The following IGFL2 variants were observed in gnomAD, a reference collection of about 807,000 sequenced individuals.
IGFL2 encodes insulin growth factor-like family member 2.
Under a neutral mutation model 13.9 loss-of-function variants are expected in IGFL2, and 7 were observed. The observed-to-expected ratio is 0.51, with a 90% CI of 0.29 to 0.95. The LOEUF (loss-of-function observed/expected upper bound fraction) is 0.95. IGFL2 is among the 40% of genes least tolerant of loss of function. The probability of loss-of-function intolerance (pLI) is 0.08; values close to 1 mark genes in which losing one functional copy is unlikely to be tolerated. For synonymous variants in IGFL2, 55 were observed against 55.8 expected (o/e 0.99, Z 0.07); for missense variants, 138 against 147.8 (o/e 0.93, Z 0.34).
chr19:46,160,605 T>A lies in IGFL2; in HGVS notation c.74-9T>A, dbSNP rs1192832650. On this transcript the variant is annotated splice_polypyrimidine_tract_variant and intron_variant, in intron 2 of 3. Coordinates refer to ENST00000377693, the MANE Select transcript of IGFL2 (RefSeq NM_001135113.2). The stretch of plus-strand genomic sequence containing the variant: ...AGCTCACACCAACAATGTCTGTCCA[T>A]CTGTCCAGCTCCCGCTGGCTCAGAA... 1 of 1,614,082 alleles carries A rather than the reference T, an allele frequency of 6.2e-7. No individual in the cohort carries two copies. The highest frequency in any genetic ancestry group is 8.5e-7 in the Non-Finnish European group (1 of 1,179,932).
the IGFL2 span, among the ~76,000 whole-genome samples, chr19:46,172,378 C>T: frequency 4.6e-5 from 7 of 152,126 alleles, no homozygotes; most frequent in African/African-American, 7.2e-5. Context: ...AGGAAGGACT[C>T]CTGAGGGAAT....
the IGFL2 span, among the ~76,000 whole-genome samples, chr19:46,128,764 T>C: frequency 6.6e-6 from 1 of 152,176 alleles, no homozygotes; most frequent in Non-Finnish European, 1.5e-5. Flanking sequence ...CTTGAGGATT[T>C]TTTGCATTGA....
At chr19:46,167,221 C>A in the IGFL2 span, among the ~76,000 whole-genome samples, 1 of 152,188 alleles carries the variant, frequency 6.6e-6, no homozygotes, top group African/African-American at 2.4e-5. Flanking sequence ...GTTTGGGGTC[C>A]CTGACTTCCC....
At chr19:46,155,614 A>T (rs1311884910) in intron 1 of IGFL2, among the ~76,000 whole-genome samples, 1 of 152,322 alleles carries the variant, frequency 6.6e-6, no homozygotes, top group Non-Finnish European at 1.5e-5. Flanking sequence ...GACTTCTGGA[A>T]GTCCTGCTTT....
chr19:46,161,032 C>T, intron 3 of IGFL2, 38 bp from the exon 4 acceptor site: 1 of 1,574,438 alleles, frequency 6.4e-7, no homozygotes, highest in Non-Finnish European at 8.7e-7. Context: ...ATCTCCTTGT[C>T]TGTTATTCGT....
chr19:46,180,246 T>C, the IGFL2 span, among the ~76,000 whole-genome samples: 1 of 150,712 alleles, frequency 6.6e-6, no homozygotes, highest in African/African-American at 2.4e-5. Flanking sequence ...TGGCACGATC[T>C]CAGCTCACTG....
chr19:46,153,931 T>C (rs1020072919), intron 1 of IGFL2, among the ~76,000 whole-genome samples: 2 of 151,988 alleles, frequency 1.3e-5, no homozygotes, highest in Non-Finnish European at 2.9e-5. Flanking sequence ...CAACCCGTCA[T>C]CTAGGTTTTA....
the IGFL2 span, chr19:46,200,962 C>T: frequency 6.6e-6 from 1 of 152,148 alleles, no homozygotes; most frequent in African/African-American, 2.4e-5. Context: ...ATTTTTGTGT[C>T]TGTTTCTTGA....
At chr19:46,080,351 T>C in the IGFL2 span, among the ~76,000 whole-genome samples, 2 of 152,084 alleles carry the variant, frequency 1.3e-5, no homozygotes, top group African/African-American at 4.8e-5. Context: ...CTCATCAACA[T>C]AGCGAGTCAA....
the IGFL2 span, among the ~76,000 whole-genome samples, chr19:46,086,178 T>C: frequency 6.6e-6 from 1 of 152,150 alleles, no homozygotes; most frequent in Non-Finnish European, 1.5e-5. Context: ...TCTTTAATGA[T>C]ACCTATCTCT....
chr19:46,183,409 C>T, the IGFL2 span, among the ~76,000 whole-genome samples: 1 of 152,040 alleles, frequency 6.6e-6, no homozygotes, highest in Non-Finnish European at 1.5e-5. Context: ...CTCCCTCTCT[C>T]ATTTCTTCCC....
the IGFL2 span, among the ~76,000 whole-genome samples, chr19:46,100,304 C>T: frequency 1.3e-5 from 2 of 152,060 alleles, no homozygotes; most frequent in Admixed American, 1.3e-4. Context: ...AGGAAAATGA[C>T]AAGAAAAGTC....
the IGFL2 span, among the ~76,000 whole-genome samples, chr19:46,106,807 A>G: frequency 6.6e-6 from 1 of 152,072 alleles, no homozygotes; most frequent in Non-Finnish European, 1.5e-5. Context: ...ATTGGCGTTG[A>G]GCATGGTAAG....
At chr19:46,130,683 T>A in the IGFL2 span, among the ~76,000 whole-genome samples, 1 of 152,238 alleles carries the variant, frequency 6.6e-6, no homozygotes, top group Non-Finnish European at 1.5e-5. Flanking sequence ...AAGAAATTTA[T>A]GAGCTTGGAT....
At chr19:46,152,472 TGG>T (rs943774411) in intron 1 of IGFL2, among the ~76,000 whole-genome samples, 1 of 152,066 alleles carries the variant, frequency 6.6e-6, no homozygotes, top group Non-Finnish European at 1.5e-5. Flanking sequence ...TTTATACAGA[TGG>T]GGTCTCGCTA....
At chr19:46,093,867 A>G in the IGFL2 span, among the ~76,000 whole-genome samples, 2 of 152,152 alleles carry the variant, frequency 1.3e-5, no homozygotes, top group Non-Finnish European at 2.9e-5. Flanking sequence ...CCTGAATCAA[A>G]CAAAATATGT....
the IGFL2 span, among the ~76,000 whole-genome samples, chr19:46,183,044 A>G: frequency 5.9e-5 from 9 of 152,160 alleles, no homozygotes; most frequent in Admixed American, 5.9e-4. Context: ...TAATTTATAA[A>G]CAAAAGAGAT....
At chr19:46,139,957 T>C (rs12982553), upstream of IGFL2, among the ~76,000 whole-genome samples, 63,792 of 148,494 alleles carry the variant, frequency 0.43, 15,544 homozygotes, top group Non-Finnish European at 0.57. Context: ...CACACACACA[T>C]ATATATTTTG....
At chr19:46,193,296 C>T in the IGFL2 span, among the ~76,000 whole-genome samples, 1 of 152,282 alleles carries the variant, frequency 6.6e-6, no homozygotes, top group African/African-American at 2.4e-5. Flanking sequence ...CTCTGTCCTG[C>T]CCCGCTGGTG....
Sources: gnomAD v4.1 joint callset for allele counts (sites outside exome capture counted in the v4.1 genomes callset) on GRCh38, gnomAD v4.1.1 for gene constraint, MANE v1.5 for transcripts, NCBI Gene and HGNC (gene_info 2026-07-23, HGNC 2026-07-21) for gene names.